ATG7: variants seen among roughly 807,000 people sequenced by gnomAD.
ATG7 encodes autophagy related 7.
Under a neutral mutation model 82.4 loss-of-function variants are expected in ATG7, and 70 were observed. The observed-to-expected ratio is 0.85, with a 90% CI of 0.70 to 1.04. The LOEUF (loss-of-function observed/expected upper bound fraction) is 1.04, where lower values mean the gene tolerates loss of function less well. Ranked by LOEUF, ATG7 falls within the 50% of genes least tolerant of loss-of-function variation. ATG7 has a pLI of 0.00. For synonymous variants in ATG7, 287 were observed against 313.0 expected (o/e 0.92, Z 0.88); for missense variants, 792 against 864.3 (o/e 0.92, Z 1.05).
intron 20 of ATG7, among the ~76,000 whole-genome samples, chr3:11,451,279 T>G (rs1452349537): frequency 1.3e-5 from 2 of 151,872 alleles, no homozygotes; most frequent in Non-Finnish European, 2.9e-5. Flanking sequence ...TGGCATGATC[T>G]TGGCTCACTG....
At position 11,338,689 on chromosome 3, in the gene ATG7, G is replaced by A. The variant is rs187820642; in HGVS notation, c.890-1956G>A. 3.0e-4 allele frequency among the ~76,000 whole-genome samples: 46 copies of A among 152,196 alleles called. 1 individual carries two copies. Among genetic ancestry groups the A allele is most frequent in the African/African-American group, 1.1e-3 (45 of 41,538 alleles). On this transcript the variant is annotated intron_variant, in intron 11 of 20. Transcript: ENST00000693202. The stretch of plus-strand genomic sequence containing the variant: ...ATTATTTCAGTTTTAATTTTTCATG[G>A]CATTAAAAAATACCACATCAGAGTG...
intron 20 of ATG7, among the ~76,000 whole-genome samples, chr3:11,484,383 TC>T (rs1391673253): frequency 1.3e-5 from 2 of 151,906 alleles, no homozygotes; most frequent in Non-Finnish European, 2.9e-5. Context: ...GACAGGAGAC[TC>T]CGTCTCAAAA....
intron 16 of ATG7, 24 bp from the exon 17 acceptor site, chr3:11,362,789 A>G: frequency 6.2e-7 from 1 of 1,605,586 alleles, no homozygotes; most frequent in South Asian, 1.1e-5. Context: ...CGTTCTGCAC[A>G]CACCAATGAT....
chr3:11,281,542 G>A (rs1239068467), intron 2 of ATG7, among the ~76,000 whole-genome samples: 1 of 152,156 alleles, frequency 6.6e-6, no homozygotes, highest in Non-Finnish European at 1.5e-5. Flanking sequence ...GGAGGCTGAG[G>A]CAGGTGGATC....
At chr3:11,287,950 AT>A (rs1316824742) in intron 3 of ATG7, among the ~76,000 whole-genome samples, 1 of 152,252 alleles carries the variant, frequency 6.6e-6, no homozygotes, top group African/African-American at 2.4e-5. Context: ...TAGCCTGTGG[AT>A]CAAGTCCTGC....
downstream of ATG7, among the ~76,000 whole-genome samples, chr3:11,561,012 G>C (rs1338169121): frequency 6.6e-6 from 1 of 152,018 alleles, no homozygotes; most frequent in African/African-American, 2.4e-5. Context: ...AGAATACCGA[G>C]ACCTGGACAC....
intron 20 of ATG7, among the ~76,000 whole-genome samples, chr3:11,464,238 G>A (rs574527148): frequency 6.6e-6 from 1 of 152,162 alleles, no homozygotes; most frequent in Admixed American, 6.5e-5. Flanking sequence ...CAGGCATGGT[G>A]TTATGCACCT....
At chr3:11,486,081 G>A (rs1200138486) in intron 20 of ATG7, among the ~76,000 whole-genome samples, 2 of 152,106 alleles carry the variant, frequency 1.3e-5, no homozygotes, top group Admixed American at 6.6e-5. Flanking sequence ...CTGTGAAGAA[G>A]GTCCTTGGTA....
At chr3:11,315,088 G>A (rs1575392143) in intron 8 of ATG7, among the ~76,000 whole-genome samples, 1 of 152,182 alleles carries the variant, frequency 6.6e-6, no homozygotes, top group East Asian at 1.9e-4. Context: ...CTGATTGACA[G>A]CTTAGGGAAC....
intron 1 of ATG7, among the ~76,000 whole-genome samples, chr3:11,280,422 T>C (rs1942843058): frequency 6.6e-6 from 1 of 152,192 alleles, no homozygotes; most frequent in Admixed American, 6.5e-5. Flanking sequence ...GAATGACTTG[T>C]CCAAGGTGGT....
chr3:11,560,015 C>T (rs1224953642), downstream of ATG7, among the ~76,000 whole-genome samples: 1 of 152,144 alleles, frequency 6.6e-6, no homozygotes, highest in Non-Finnish European at 1.5e-5. Flanking sequence ...ACATCCCACC[C>T]CAGCCCGATC....
intron 19 of ATG7, among the ~76,000 whole-genome samples, chr3:11,396,119 A>AG (rs2079249534): frequency 1.1e-5 from 1 of 89,302 alleles, no homozygotes; most frequent in East Asian, 4.1e-4. Flanking sequence ...GAAGTATAGG[A>AG]AAAAAAAAAA....
At chr3:11,568,629 C>T in the ATG7 span, 1 of 1,569,722 alleles carries the variant, frequency 6.4e-7, no homozygotes, top group Admixed American at 1.8e-5. The surrounding 1 kb of genome is among the most constrained non-coding windows in gnomAD (Gnocchi z 5.9). Flanking sequence ...TTCCTGGTTC[C>T]CGGAGCTTCA....
At chr3:11,568,645 G>C in the ATG7 span, 3 of 1,567,930 alleles carry the variant, frequency 1.9e-6, no homozygotes, top group South Asian at 1.2e-5. The surrounding 1 kb of genome is among the most constrained non-coding windows in gnomAD (Gnocchi z 5.9). Context: ...CTTCAAGACA[G>C]ACATTGTTTT....
At chr3:11,490,355 C>T (rs893384043) in intron 20 of ATG7, among the ~76,000 whole-genome samples, 1 of 152,138 alleles carries the variant, frequency 6.6e-6, no homozygotes, top group African/African-American at 2.4e-5. Context: ...TATTTTGAGC[C>T]TATGTGTGTC....
intron 20 of ATG7, among the ~76,000 whole-genome samples, chr3:11,475,503 T>C (rs2088053815): frequency 6.6e-6 from 1 of 152,126 alleles, no homozygotes. Context: ...AGAAGACCCC[T>C]GTTGGGAGCA....
In ATG7 at chr3:11,531,764, T is replaced by A. The variant is rs372080963; in HGVS notation, c.2080-23047T>A. On this transcript the variant is annotated intron_variant, in intron 20 of 20. Transcript: ENST00000693202. The stretch of plus-strand genomic sequence containing the variant: ...CCGTAGTCCCAGCTACTCGGGAGGC[T>A]GAGGTGGGAGGATCACCTGAGCCCA... Among the ~76,000 whole-genome samples the A allele has an allele frequency of 1.4e-4, 21 of 150,158 alleles. No individual in the cohort carries two copies. In the South Asian group the frequency reaches 4.2e-3, roughly 30 times the overall value.
chr3:11,277,990 C>T (rs749871927), intron 1 of ATG7, among the ~76,000 whole-genome samples: 3 of 147,036 alleles, frequency 2.0e-5, no homozygotes, highest in African/African-American at 2.5e-5. Flanking sequence ...CCTACTTGCA[C>T]GTCTGTTTAT....
intron 20 of ATG7, among the ~76,000 whole-genome samples, chr3:11,431,711 A>G (rs990582850): frequency 6.6e-6 from 1 of 152,184 alleles, no homozygotes; most frequent in African/African-American, 2.4e-5. Flanking sequence ...AAGGTACGCA[A>G]TTGTTTTTCA....
Sources: gnomAD v4.1 joint callset for allele counts (sites outside exome capture counted in the v4.1 genomes callset) on GRCh38, gnomAD v4.1.1 for gene constraint, Gnocchi (gnomAD v3.1) non-coding constraint, MANE v1.5 for transcripts, NCBI Gene and HGNC (gene_info 2026-07-23, HGNC 2026-07-21) for gene names.